Variants in TRIM44 observed in about 807,000 individuals in gnomAD.
TRIM44 encodes the protein tripartite motif-containing protein 44.
TRIM44 carries 13 observed loss-of-function variants against 37.4 expected under a neutral mutation model. The ratio of observed to expected loss-of-function variants is 0.35; its 90% CI spans 0.23 to 0.55. The LOEUF (loss-of-function observed/expected upper bound fraction) is 0.55, where lower values mean the gene tolerates loss of function less well. Ranked by LOEUF, TRIM44 falls within the 20% of genes least tolerant of loss-of-function variation. TRIM44 has a pLI of 0.89. For missense variants in TRIM44, 426 were observed against 437.2 expected, an observed-to-expected ratio of 0.97 and a Z score of 0.23; for synonymous variants, 175 against 157.2, an observed-to-expected ratio of 1.11 and a Z score of -0.85.
intron 4 of TRIM44, 121 bp from the exon 5 acceptor site, chr11:35,806,237 A>G: frequency 1.9e-6 from 2 of 1,068,602 alleles, no homozygotes; most frequent in Non-Finnish European, 2.8e-6. Context: ...TTGCTCAATC[A>G]TGGTAGTTAA....
intron 1 of TRIM44, among the ~76,000 whole-genome samples, chr11:35,665,687 C>G (rs1479338754): frequency 6.7e-6 from 1 of 148,918 alleles, no homozygotes; most frequent in East Asian, 2.0e-4. Context: ...CTGCGCCTCC[C>G]AGGTTCAAAC....
rs1408827283 is a variant in TRIM44 at position 35,806,743 on chromosome 11, G to A, written c.*358G>A. On this transcript the variant is annotated 3_prime_UTR_variant, in exon 5 of 5. Transcript: ENST00000299413. ...GTATCGCTTTGTTAGGAAGGATCTGGAATAATCTTGAAGGGAAGTCAGAGT... is the reference window on the plus strand; with the variant it reads ...GTATCGCTTTGTTAGGAAGGATCTGAAATAATCTTGAAGGGAAGTCAGAGT... 4.9e-6 allele frequency: 1 copy of A among 205,078 alleles called. No homozygotes were observed. The highest frequency in any genetic ancestry group is 1.2e-4 in the East Asian group (1 of 8,536). 12.7% of individuals were successfully genotyped at this position (205,078 alleles called of 1,614,324 possible). A position where few individuals can be genotyped will look rare whatever the true frequency, so the allele number is the denominator to read the frequency against.
At chr11:35,764,002 G>T (rs566098292) in intron 4 of TRIM44, among the ~76,000 whole-genome samples, 4 of 152,280 alleles carry the variant, frequency 2.6e-5, no homozygotes, top group African/African-American at 9.6e-5. Context: ...CAGGAGGTCT[G>T]TTTGGAGAGA....
rs149844920 is a variant in TRIM44, at chr11:35,792,931, T to C, written c.1008-13427T>C. On this transcript the variant is annotated intron_variant, in intron 4 of 4. Coordinates refer to ENST00000299413, the MANE Select transcript of TRIM44 (RefSeq NM_017583.6). ...TGAAAGATATTTCTATGTAACCTAA[T>C]TAAATGAGTGAGACCTTGGTGCCTC... is the stretch of plus-strand genomic sequence containing the variant. 1.8e-3 allele frequency among the ~76,000 whole-genome samples: 278 copies of C among 152,240 alleles called. 2 individuals are homozygous for C. Among genetic ancestry groups the C allele is most frequent in the African/African-American group, 6.4e-3 (267 of 41,540 alleles).
chr11:35,721,941 G>T (rs912587914), intron 2 of TRIM44, among the ~76,000 whole-genome samples: 1 of 152,078 alleles, frequency 6.6e-6, no homozygotes, highest in African/African-American at 2.4e-5. Context: ...TTTTTCCCTT[G>T]CCTGCCCTCA....
Position 35,663,225 on chromosome 11 carries a change from C to A in TRIM44, c.114C>A (p.Phe38Leu). The change falls in exon 1 of 5, where the codon TTC becomes TTA. Residue 38 changes from phenylalanine to leucine, a missense_variant. Physicochemically the swap from Phe to Leu is conservative, Grantham distance 22 (BLOSUM62 0). Transcript: ENST00000299413. ...AGGAAGTGTGCCGAGAATGCGGCTT[C>A]TGCTACTGCCGCCGCCATGCCGAGG... ...GAEEVCRECG[F>L]CYCRRHAEAH... 2 of 1,606,694 alleles carry A rather than the reference C, an allele frequency of 1.2e-6. No homozygotes were observed. Among genetic ancestry groups the A allele is most frequent in the Non-Finnish European group, 1.7e-6 (2 of 1,175,018 alleles).
intron 1 of TRIM44, among the ~76,000 whole-genome samples, chr11:35,665,602 T>G (rs113204189): frequency 0.014 from 1,920 of 141,424 alleles, 34 homozygotes; most frequent in East Asian, 0.039. Flanking sequence ...TTTTTTTTTT[T>G]TTTTTTTTTT....
intron 4 of TRIM44, among the ~76,000 whole-genome samples, chr11:35,801,594 CTG>C (rs1215174431): frequency 1.3e-5 from 2 of 152,190 alleles, no homozygotes; most frequent in Non-Finnish European, 2.9e-5. Context: ...CAGTGAAACA[CTG>C]TAAAATGATT....
chr11:35,666,019 T>C (rs182554778), intron 1 of TRIM44, among the ~76,000 whole-genome samples: 1 of 152,336 alleles, frequency 6.6e-6, no homozygotes, highest in Admixed American at 6.5e-5. Context: ...AACTTATCAA[T>C]ACTTTTCCTT....
chr11:35,737,101 A>G (rs1302757259), intron 4 of TRIM44, among the ~76,000 whole-genome samples: 1 of 152,180 alleles, frequency 6.6e-6, no homozygotes, highest in Non-Finnish European at 1.5e-5. Flanking sequence ...GAGGCTTACC[A>G]GAAAAGGTTA....
intron 4 of TRIM44, among the ~76,000 whole-genome samples, chr11:35,757,681 A>G (rs187305868): frequency 6.6e-6 from 1 of 152,272 alleles, no homozygotes; most frequent in East Asian, 1.9e-4. Context: ...TGTGTCCCAG[A>G]GATTCTGGTA....
At chr11:35,738,731 A>G (rs1030649839) in intron 4 of TRIM44, among the ~76,000 whole-genome samples, 1 of 152,116 alleles carries the variant, frequency 6.6e-6, no homozygotes, top group African/African-American at 2.4e-5. Flanking sequence ...TGACAGTACT[A>G]AATTAGAGTT....
chr11:35,752,283 A>C (rs1852568368), intron 4 of TRIM44, among the ~76,000 whole-genome samples: 1 of 151,786 alleles, frequency 6.6e-6, no homozygotes, highest in Non-Finnish European at 1.5e-5. Context: ...ACTTCCCTTT[A>C]AGAATCCTAC....
At position 35,773,267 on chromosome 11, in the gene TRIM44, A is replaced by G. The variant is rs187301616; in HGVS notation, c.1008-33091A>G. 1.5e-3 allele frequency among the ~76,000 whole-genome samples: 223 copies of G among 152,126 alleles called. 1 individual carries two copies. Among genetic ancestry groups the G allele is most frequent in the African/African-American group, 5.2e-3 (217 of 41,484 alleles). Reference sequence around the variant, plus strand: ...TTGTCAGCAGTGTCAAAACAGACTAATACAGGTGCCTTTTTTTTAAAGAAG... The same window carrying G: ...TTGTCAGCAGTGTCAAAACAGACTAGTACAGGTGCCTTTTTTTTAAAGAAG... On this transcript the variant is annotated intron_variant, in intron 4 of 4. Transcript: ENST00000299413.
At chr11:35,748,352 T>TTC (rs1852520897) in intron 4 of TRIM44, among the ~76,000 whole-genome samples, 1 of 152,212 alleles carries the variant, frequency 6.6e-6, no homozygotes, top group Admixed American at 6.5e-5. Context: ...CTTGTTTAGG[T>TTC]ACTTAATCAT....
At chr11:35,700,167 T>C (rs972810347) in intron 2 of TRIM44, among the ~76,000 whole-genome samples, 3 of 152,192 alleles carry the variant, frequency 2.0e-5, no homozygotes, top group Admixed American at 2.0e-4. Context: ...TATAGCCCTT[T>C]ACTAATTTTT....
In TRIM44 at chr11:35,816,433, T is replaced by C. The variant is rs1175496029; in HGVS notation, c.*10048T>C. 1 of 152,172 alleles carries C rather than the reference T, an allele frequency of 6.6e-6. No individual in the cohort carries two copies. Among genetic ancestry groups the C allele is most frequent in the Non-Finnish European group, 1.5e-5 (1 of 68,040 alleles). The allele number at this position is 152,172 out of a possible 1,614,324, so 9.4% of individuals were successfully genotyped here. On this transcript the variant is annotated 3_prime_UTR_variant, in exon 5 of 5. Transcript: ENST00000299413. ...AAACAATCTCCACTCATAAAAACAC[T>C]TTTCTGCCTTCTACAGTATAAACAC... is the stretch of plus-strand genomic sequence containing the variant.
rs750221467 is a variant in TRIM44, at chr11:35,663,316, C to G, written c.205C>G (p.Pro69Ala). ...CGTCCACGGCTCCCAGGCCTGGACC[C>G]CGCCAGCTGACGGAGAGGGGGCGGG... ...EYVHGSQAWT[P>A]PADGEGAGKE... The change falls in exon 1 of 5, where the codon CCG becomes GCG. Residue 69 changes from proline (P) to alanine (A), a missense_variant. This residue lies in a region of TRIM44 where 331 missense variants were observed against 303.0 expected (regional missense o/e 1.09). Coordinates refer to ENST00000299413, the MANE Select transcript of TRIM44 (RefSeq NM_017583.6). 2 of 1,613,880 alleles carry G rather than the reference C, an allele frequency of 1.2e-6. No homozygotes were observed. Among genetic ancestry groups the G allele is most frequent in the African/African-American group, 2.7e-5 (2 of 74,876 alleles).
chr11:35,706,549 A>G (rs543303311), intron 2 of TRIM44, among the ~76,000 whole-genome samples: 4 of 152,228 alleles, frequency 2.6e-5, no homozygotes, highest in Non-Finnish European at 5.9e-5. Context: ...CAGCACATCA[A>G]AAAGCTTATC....
Sources: allele counts gnomAD v4.1 joint callset (sites outside exome capture counted in the v4.1 genomes callset), GRCh38; gene constraint gnomAD v4.1.1; regional missense constraint gnomAD v4.1.1; transcripts MANE v1.5; gene names NCBI Gene and HGNC (gene_info 2026-07-23, HGNC 2026-07-21).